The following OSBPL9 variants were observed in gnomAD, a reference collection of about 807,000 sequenced individuals.
OSBPL9 encodes oxysterol-binding protein-related protein 9.
In OSBPL9, 40 loss-of-function variants were observed where a neutral mutation model predicts 106.6. That is an observed-to-expected ratio of 0.38 (90% CI 0.29 to 0.49). OSBPL9 has a LOEUF of 0.49. Among genes scored for constraint, OSBPL9 ranks in the 20% least tolerant of loss-of-function variants. The probability of loss-of-function intolerance (pLI) is 0.97; values close to 1 mark genes in which losing one functional copy is unlikely to be tolerated. For missense variants in OSBPL9, 609 were observed against 887.2 expected (o/e 0.69, Z 3.98); for synonymous variants, 269 against 295.4 (o/e 0.91, Z 0.92).
At position 51,729,932 on chromosome 1, in the gene OSBPL9, C is replaced by A; in HGVS notation, c.319-15604C>A. ...AAAAGGGGTGCTCGGGAGCAGCCCC[C>A]GGCTACCTCCCCTGGAGGCACAGAG... On this transcript the variant is annotated intron_variant, in intron 4 of 23. Coordinates refer to ENST00000428468, the MANE Select transcript of OSBPL9 (RefSeq NM_024586.6). This position sits in a 1 kb window ranked among gnomAD's most constrained non-coding sequence, Gnocchi z 5.1. The A allele has an allele frequency of 1.5e-6, 2 of 1,306,794 alleles. No individual in the cohort carries two copies. Among genetic ancestry groups the A allele is most frequent in the East Asian group, 5.7e-5 (2 of 35,296 alleles). The allele number at this position is 1,306,794 out of a possible 1,614,324, so 80.9% of individuals were successfully genotyped here. A position where few individuals can be genotyped will look rare whatever the true frequency, so the allele number is the denominator to read the frequency against.
At chr1:51,665,996 C>T (rs1159867252) in intron 2 of OSBPL9, among the ~76,000 whole-genome samples, 1 of 151,852 alleles carries the variant, frequency 6.6e-6, no homozygotes, top group African/African-American at 2.4e-5. Flanking sequence ...TACAGGCATG[C>T]GCCACCATGC....
chr1:51,644,520 G>A (rs774455802), intron 1 of OSBPL9, among the ~76,000 whole-genome samples: 4 of 152,094 alleles, frequency 2.6e-5, no homozygotes, highest in Admixed American at 6.6e-5. Flanking sequence ...TAGAGACAGG[G>A]TTTCACCATG....
the OSBPL9 span, among the ~76,000 whole-genome samples, chr1:51,556,329 A>C: frequency 6.6e-6 from 1 of 152,216 alleles, no homozygotes; most frequent in Non-Finnish European, 1.5e-5. Flanking sequence ...TAAATCATGA[A>C]GTCAATTTCA....
chr1:51,594,909 C>T (rs575629943), intron 1 of OSBPL9: 4 of 152,450 alleles, frequency 2.6e-5, no homozygotes, highest in Admixed American at 6.5e-5. Flanking sequence ...CAGCGCTGGG[C>T]GCACGTTCCC....
At chr1:51,717,853 T>TG (rs747586576) in intron 4 of OSBPL9, among the ~76,000 whole-genome samples, 6 of 151,540 alleles carry the variant, frequency 4.0e-5, no homozygotes, top group Non-Finnish European at 5.9e-5. Flanking sequence ...GCAATCCCAC[T>TG]GCTAGGTATA....
chr1:51,554,197 G>C, the OSBPL9 span, among the ~76,000 whole-genome samples: 1 of 152,192 alleles, frequency 6.6e-6, no homozygotes, highest in Admixed American at 6.5e-5. Flanking sequence ...TACACACACA[G>C]AGGGAGAGAG....
intron 1 of OSBPL9, among the ~76,000 whole-genome samples, chr1:51,593,904 TCACACACACA>T (rs58936844): frequency 1.7e-4 from 24 of 140,184 alleles, no homozygotes; most frequent in South Asian, 4.8e-4. Context: ...TAATCAGATT[TCACACACACA>T]CACACACACA....
intron 2 of OSBPL9, among the ~76,000 whole-genome samples, chr1:51,656,441 C>T (rs1646817864): frequency 6.6e-6 from 1 of 152,166 alleles, no homozygotes. Context: ...TTTTCCCTCA[C>T]TGTGCTTCTT....
chr1:51,741,774 G>A (rs763223631), intron 4 of OSBPL9, among the ~76,000 whole-genome samples: 1 of 151,890 alleles, frequency 6.6e-6, no homozygotes, highest in Non-Finnish European at 1.5e-5. Flanking sequence ...TTACATCACA[G>A]ACCATTTTGT....
chr1:51,669,473 T>G lies in OSBPL9; in HGVS notation c.202T>G (p.Phe68Val), dbSNP rs1248058521. 1.2e-6 allele frequency: 2 copies of G among 1,614,128 alleles called. No homozygotes were observed. Among genetic ancestry groups the G allele is most frequent in the Non-Finnish European group, 1.7e-6 (2 of 1,179,992 alleles). Residue 68 changes from phenylalanine to valine, a missense_variant, in exon 3 of 24, where the codon TTC (phenylalanine) becomes GTC (valine). Phe to Val is a conservative substitution (Grantham distance 50, BLOSUM62 -1). This residue lies in a region of OSBPL9 where 72 missense variants were observed against 140.5 expected (regional missense o/e 0.51). Transcript: ENST00000428468. ...TATAGACGATGAGGACGACAGCACCTTCACAATAACTGTTGATCAGAAAAC... is the reference window on the plus strand; with the variant it reads ...TATAGACGATGAGGACGACAGCACCGTCACAATAACTGTTGATCAGAAAAC... ...IGIDDEDDST[F>V]TITVDQKTFH...
intron 1 of OSBPL9, among the ~76,000 whole-genome samples, chr1:51,637,431 C>T (rs1557620563): frequency 6.6e-6 from 1 of 152,160 alleles, no homozygotes; most frequent in Non-Finnish European, 1.5e-5. Context: ...CGAGATCACA[C>T]CACTGCACTC....
At chr1:51,610,360 C>T (rs776709027) in intron 2 of OSBPL9, among the ~76,000 whole-genome samples, 64 of 151,936 alleles carry the variant, frequency 4.2e-4, no homozygotes, top group Non-Finnish European at 7.5e-4. Flanking sequence ...CTCCCAGGTT[C>T]AACAATTCTC....
intron 3 of OSBPL9, among the ~76,000 whole-genome samples, chr1:51,689,485 T>C (rs562997411): frequency 1.3e-5 from 2 of 152,320 alleles, no homozygotes; most frequent in African/African-American, 4.8e-5. Flanking sequence ...ATATTTTCCC[T>C]CATGAATTGA....
chr1:51,705,138 G>T (rs116797708), intron 3 of OSBPL9, among the ~76,000 whole-genome samples: 38 of 151,308 alleles, frequency 2.5e-4, no homozygotes, highest in Admixed American at 2.3e-3. Context: ...TTATTTGATG[G>T]TATGTCTGAA....
chr1:51,709,618 T>C (rs1187144207), intron 3 of OSBPL9: 2 of 152,736 alleles, frequency 1.3e-5, no homozygotes, highest in Non-Finnish European at 2.9e-5. Context: ...GGCATCCATA[T>C]GTACTGGGCA....
chr1:51,583,696 C>G (rs990822794), intron 1 of OSBPL9: 1 of 152,230 alleles, frequency 6.6e-6, no homozygotes, highest in Admixed American at 6.6e-5. Flanking sequence ...AATCACTTAT[C>G]AGTCGGGGGC....
chr1:51,719,981 GT>G (rs1176328149), intron 4 of OSBPL9, among the ~76,000 whole-genome samples: 1 of 152,236 alleles, frequency 6.6e-6, no homozygotes, highest in African/African-American at 2.4e-5. Flanking sequence ...GTGATGATGT[GT>G]TCTCTGTTCT....
At chr1:51,728,970 A>G (rs1209276540) in intron 4 of OSBPL9, among the ~76,000 whole-genome samples, 1 of 152,246 alleles carries the variant, frequency 6.6e-6, no homozygotes, top group Non-Finnish European at 1.5e-5. Flanking sequence ...AAGAAAAACC[A>G]GCAAGAGCGG....
In OSBPL9 at chr1:51,784,424, A is replaced by G. The variant is rs1005824483; in HGVS notation, c.1689-18A>G. ...CCTCTTAACTGTCAACCTTACCTAA[A>G]AACTTTTGATTTTGCAGGTCTATCC... On this transcript the variant is annotated intron_variant, in intron 19 of 23. Transcript: ENST00000428468. The G allele has an allele frequency of 6.2e-7, 1 of 1,613,846 alleles. No individual in the cohort carries two copies. The highest frequency in any genetic ancestry group is 1.3e-5 in the African/African-American group (1 of 74,908).
Sources: allele counts gnomAD v4.1 joint callset (sites outside exome capture counted in the v4.1 genomes callset), GRCh38; gene constraint gnomAD v4.1.1; regional missense constraint gnomAD v4.1.1; non-coding constraint Gnocchi (gnomAD v3.1); transcripts MANE v1.5; gene names NCBI Gene and HGNC (gene_info 2026-07-23, HGNC 2026-07-21).